SPIDR: variants seen among roughly 807,000 people sequenced by gnomAD.
SPIDR encodes DNA repair-scaffolding protein.
A neutral mutation model predicts 104.6 loss-of-function variants in SPIDR; 93 were observed. That is an observed-to-expected ratio of 0.89 (90% CI 0.75 to 1.06). The LOEUF (loss-of-function observed/expected upper bound fraction) is 1.06. Ranked by LOEUF, SPIDR falls within the 50% of genes least tolerant of loss-of-function variation. The pLI, the probability that SPIDR is intolerant of heterozygous loss-of-function variation, is 0.00. For missense variants in SPIDR, 1,154 were observed against 1,111.2 expected (o/e 1.04, Z -0.55); for synonymous variants, 431 against 416.9 (o/e 1.03, Z -0.41).
intron 10 of SPIDR, among the ~76,000 whole-genome samples, chr8:47,638,125 C>G (rs577669027): frequency 2.0e-5 from 3 of 151,724 alleles, no homozygotes; most frequent in Non-Finnish European, 4.4e-5. Context: ...TTTGAGTGTT[C>G]TGTTTTGTTT....
chr8:47,563,776 C>A (rs115445585), intron 8 of SPIDR, among the ~76,000 whole-genome samples: 3 of 152,212 alleles, frequency 2.0e-5, no homozygotes, highest in African/African-American at 7.2e-5. Flanking sequence ...GGCAAGTTTT[C>A]AGAAGTTTTT....
At chr8:47,652,543 G>C (rs779205702) in intron 10 of SPIDR, among the ~76,000 whole-genome samples, 1 of 152,190 alleles carries the variant, frequency 6.6e-6, no homozygotes, top group Non-Finnish European at 1.5e-5. Flanking sequence ...AGTGGCCATT[G>C]TCTGCTGTCT....
At chr8:47,283,359 C>T (rs1406755144) in intron 2 of SPIDR, among the ~76,000 whole-genome samples, 2 of 152,188 alleles carry the variant, frequency 1.3e-5, no homozygotes, top group African/African-American at 2.4e-5. Flanking sequence ...TAATTTTGCT[C>T]TCTTATATTG....
At chr8:47,589,463 T>C (rs2060725283) in intron 8 of SPIDR, among the ~76,000 whole-genome samples, 2 of 149,746 alleles carry the variant, frequency 1.3e-5, no homozygotes, top group Non-Finnish European at 3.0e-5. Context: ...CAGAGGAGGT[T>C]GCAGTGAACC....
intron 11 of SPIDR, among the ~76,000 whole-genome samples, chr8:47,678,822 T>C (rs1402195231): frequency 2.6e-5 from 4 of 152,194 alleles, no homozygotes; most frequent in African/African-American, 9.7e-5. Flanking sequence ...AGCTATTGTC[T>C]AAACACCAAA....
At position 47,710,493 on chromosome 8, in the gene SPIDR, A is replaced by G. The variant is rs1319010109; in HGVS notation, c.1978-2169A>G. 8.5e-5 allele frequency among the ~76,000 whole-genome samples: 12 copies of G among 140,696 alleles called. No homozygotes were observed. In the East Asian group the frequency reaches 2.3e-3, roughly 27 times the overall value. The allele number at this position is 140,696 out of a possible 152,430, so 92.3% of individuals were successfully genotyped here. A position where few individuals can be genotyped will look rare whatever the true frequency, so the allele number is the denominator to read the frequency against. ...ACCTTTTTTTTTTTTTTTGAGACGG[A>G]GTTTCGCTCTTGTTGCCCAGGCTGG... On this transcript the variant is annotated intron_variant, in intron 14 of 19. Transcript: ENST00000297423.
chr8:47,330,862 A>G, intron 5 of SPIDR: 3 of 455,152 alleles, frequency 6.6e-6, no homozygotes, highest in Admixed American at 2.4e-5. Flanking sequence ...TCCTTTGAGT[A>G]GATACCAAGC....
At position 47,599,554 on chromosome 8, in the gene SPIDR, C is replaced by T. The variant is rs532150889; in HGVS notation, c.1544+358C>T. Among the ~76,000 whole-genome samples the T allele has an allele frequency of 6.6e-5, 10 of 152,248 alleles. No individual in the cohort carries two copies. In the East Asian group the frequency reaches 1.7e-3, roughly 26 times the overall value. ...TTGCAACATCCAGTTTTATATGTCTCGAAAACCTGAGTAAATAATGGCAAT... is the reference window on the plus strand; with the variant it reads ...TTGCAACATCCAGTTTTATATGTCTTGAAAACCTGAGTAAATAATGGCAAT... On this transcript the variant is annotated intron_variant, in intron 10 of 19. Coordinates refer to ENST00000297423, the MANE Select transcript of SPIDR (RefSeq NM_001080394.4).
intron 8 of SPIDR, among the ~76,000 whole-genome samples, chr8:47,503,810 G>A (rs1338654633): frequency 6.6e-6 from 1 of 152,128 alleles, no homozygotes; most frequent in East Asian, 1.9e-4. Context: ...TCCTTCAGGA[G>A]CTCTTTTAGG....
At chr8:47,372,927 A>G (rs1563772630) in intron 5 of SPIDR, among the ~76,000 whole-genome samples, 1 of 152,136 alleles carries the variant, frequency 6.6e-6, no homozygotes, top group Non-Finnish European at 1.5e-5. Context: ...CTAACAGAAC[A>G]CTATGCCTGA....
chr8:47,488,562 A>C (rs1489791150), intron 8 of SPIDR, among the ~76,000 whole-genome samples: 7 of 152,232 alleles, frequency 4.6e-5, no homozygotes, highest in African/African-American at 1.7e-4. Flanking sequence ...AGACAATTTT[A>C]GACCAATATC....
intron 6 of SPIDR, among the ~76,000 whole-genome samples, 177 bp from the exon 7 acceptor site, chr8:47,407,684 A>G (rs1160237456): frequency 6.6e-6 from 1 of 152,244 alleles, no homozygotes; most frequent in Non-Finnish European, 1.5e-5. Context: ...CTAAGAAAAC[A>G]AAAAACTGAC....
chr8:47,715,189 T>C (rs1445786510), intron 16 of SPIDR, among the ~76,000 whole-genome samples: 1 of 152,074 alleles, frequency 6.6e-6, no homozygotes, highest in African/African-American at 2.4e-5. Context: ...TTTTTGTTTT[T>C]GTTTTGAGAT....
At chr8:47,670,360 A>G (rs2075631122) in intron 10 of SPIDR, among the ~76,000 whole-genome samples, 2 of 152,224 alleles carry the variant, frequency 1.3e-5, no homozygotes, top group Admixed American at 6.5e-5. Context: ...GCTCTCAGGT[A>G]GCATACTGGA....
intron 5 of SPIDR, among the ~76,000 whole-genome samples, chr8:47,324,067 T>C (rs1554598695): frequency 6.6e-6 from 1 of 152,204 alleles, no homozygotes; most frequent in Non-Finnish European, 1.5e-5. Context: ...CTGAAATACA[T>C]GTTCTTTTCT....
intron 8 of SPIDR, among the ~76,000 whole-genome samples, chr8:47,554,861 A>T (rs745971371): frequency 6.6e-6 from 1 of 152,190 alleles, no homozygotes. Flanking sequence ...AGCTGTTCCT[A>T]TTCAGCCATC....
chr8:47,713,851 C>T (rs1194940664), intron 16 of SPIDR, among the ~76,000 whole-genome samples: 2 of 152,140 alleles, frequency 1.3e-5, no homozygotes, highest in East Asian at 3.9e-4. Flanking sequence ...ACAGGCCTAT[C>T]CTCAGGCTCT....
chr8:47,611,720 T>G (rs1198484701), intron 10 of SPIDR, among the ~76,000 whole-genome samples: 3 of 151,854 alleles, frequency 2.0e-5, no homozygotes, highest in Non-Finnish European at 4.4e-5. Flanking sequence ...AAATAGAGAA[T>G]TCAGTCGATA....
intron 6 of SPIDR, among the ~76,000 whole-genome samples, chr8:47,403,790 T>C (rs1242037141): frequency 2.0e-5 from 3 of 152,200 alleles, no homozygotes; most frequent in Non-Finnish European, 4.4e-5. Flanking sequence ...AGGTAATTTA[T>C]AGATTCAATG....
Sources: allele counts gnomAD v4.1 joint callset (sites outside exome capture counted in the v4.1 genomes callset), GRCh38; gene constraint gnomAD v4.1.1; transcripts MANE v1.5; gene names NCBI Gene and HGNC (gene_info 2026-07-23, HGNC 2026-07-21).